The following ZFHX3 variants were observed in gnomAD, a reference collection of about 807,000 sequenced individuals.
The protein encoded by ZFHX3 is zinc finger homeobox protein 3.
A neutral mutation model predicts 279.1 loss-of-function variants in ZFHX3; 42 were observed. The observed-to-expected ratio is 0.15, with a 90% confidence interval of 0.12 to 0.19. ZFHX3 has a LOEUF of 0.19. Among genes scored for constraint, ZFHX3 ranks in the 10% least tolerant of loss-of-function variants. The pLI, the probability that ZFHX3 is intolerant of heterozygous loss-of-function variation, is 1.00. For missense variants in ZFHX3, 4,981 were observed against 4,754.0 expected (o/e 1.05, Z -1.40); for synonymous variants, 2,293 against 1,957.8 (o/e 1.17, Z -4.52).
At chr16:73,512,708 C>T (rs528134915) in intron 2 of ZFHX3, among the ~76,000 whole-genome samples, 313 of 152,214 alleles carry the variant, frequency 2.1e-3, no homozygotes, top group Middle Eastern at 6.8e-3. Flanking sequence ...AGCTTGGCCA[C>T]GGCAATGGTC....
Position 73,606,486 on chromosome 16 carries a change from C to CA in ZFHX3, c.-1547+73693dup, listed in dbSNP as rs57861119. ...GGGGGACAAGAGTGAGACTTTGTCT[C>CA]AAAAAAAAAAAAAAAAATCCATGCT... On this transcript the variant is annotated intron_variant, in intron 2 of 17. Coordinates refer to the ZFHX3 transcript ENST00000641206. Among the ~76,000 whole-genome samples the CA allele has an allele frequency of 1.6e-3, 211 of 133,818 alleles. 1 individual carries two copies. Among genetic ancestry groups the CA allele is most frequent in the African/African-American group, 4.1e-3 (145 of 35,702 alleles). The allele number at this position is 133,818 out of a possible 152,430, so 87.8% of individuals were successfully genotyped here.
intron 1 of ZFHX3, among the ~76,000 whole-genome samples, chr16:73,856,440 A>AG (rs1373240626): frequency 6.6e-6 from 1 of 152,108 alleles, no homozygotes; most frequent in African/African-American, 2.4e-5. Context: ...CCCCTTGGCA[A>AG]GGGGGAAAAA....
chr16:73,084,887 A>T (rs1965992549), intron 8 of ZFHX3, among the ~76,000 whole-genome samples: 1 of 152,218 alleles, frequency 6.6e-6, no homozygotes, highest in Admixed American at 6.5e-5. Context: ...AGCACTGATG[A>T]AGGAAATTAA....
intron 4 of ZFHX3, among the ~76,000 whole-genome samples, chr16:73,315,995 G>A (rs1339866807): frequency 6.6e-6 from 1 of 152,150 alleles, no homozygotes; most frequent in Admixed American, 6.5e-5. Flanking sequence ...AGCCCTCCCT[G>A]ACCTCTTAGT....
intron 1 of ZFHX3, among the ~76,000 whole-genome samples, chr16:73,889,705 C>G (rs183949347): frequency 6.6e-6 from 1 of 152,262 alleles, no homozygotes; most frequent in East Asian, 1.9e-4. Flanking sequence ...TGGGTTAATT[C>G]TCACACACAG....
chr16:73,438,985 T>G (rs574121956), intron 3 of ZFHX3, among the ~76,000 whole-genome samples: 2 of 152,144 alleles, frequency 1.3e-5, no homozygotes, highest in Non-Finnish European at 2.9e-5. Context: ...CTGTGAGTGA[T>G]AGAATGCCAA....
At chr16:73,184,308 G>A (rs1213905016) in intron 5 of ZFHX3, among the ~76,000 whole-genome samples, 4 of 152,208 alleles carry the variant, frequency 2.6e-5, no homozygotes, top group Admixed American at 2.6e-4. Flanking sequence ...GCAGCCACCT[G>A]CAGACCTTTG....
At chr16:73,114,160 A>T (rs2144801799) in intron 7 of ZFHX3, among the ~76,000 whole-genome samples, 1 of 151,708 alleles carries the variant, frequency 6.6e-6, no homozygotes, top group South Asian at 2.1e-4. Context: ...CCTGGGCTCA[A>T]GTGACCCTCC....
intron 1 of ZFHX3, among the ~76,000 whole-genome samples, chr16:73,697,217 C>CTTTTTTTTT (rs78469043): frequency 7.5e-6 from 1 of 133,868 alleles, no homozygotes. Flanking sequence ...ATTCTAACCT[C>CTTTTTTTTT]TTTTTTTTTT....
chr16:72,971,878 A>ATTTTTTTTT (rs34508228), intron 1 of ZFHX3, among the ~76,000 whole-genome samples: 2 of 95,466 alleles, frequency 2.1e-5, no homozygotes, highest in African/African-American at 4.4e-5. Flanking sequence ...CTGCCTATTA[A>ATTTTTTTTT]TTTTTTTTTT....
intron 5 of ZFHX3, among the ~76,000 whole-genome samples, chr16:73,234,555 T>A (rs1251705807): frequency 6.6e-6 from 1 of 152,236 alleles, no homozygotes; most frequent in African/African-American, 2.4e-5. Context: ...GGGCGGGGAT[T>A]GCTTTCTGCT....
chr16:72,896,990 C>T (rs1303633334), intron 3 of ZFHX3, among the ~76,000 whole-genome samples: 1 of 152,268 alleles, frequency 6.6e-6, no homozygotes, highest in African/African-American at 2.4e-5. Context: ...CACACGGCAA[C>T]TCCATTTCCA....
At chr16:73,298,368 G>C (rs2014972647) in intron 4 of ZFHX3, among the ~76,000 whole-genome samples, 1 of 152,082 alleles carries the variant, frequency 6.6e-6, no homozygotes, top group East Asian at 1.9e-4. Context: ...ATTTTTAGTA[G>C]AGATGGGGTT....
chr16:72,799,888 G>A, intron 8 of ZFHX3, 139 bp downstream of exon 8: 1 of 725,636 alleles, frequency 1.4e-6, no homozygotes, highest in South Asian at 1.7e-5. Flanking sequence ...TAAAGTAGCT[G>A]ATGACAGTGC....
chr16:73,026,673 C>CAAAAAAAAAAAAAAA (rs10561679), intron 1 of ZFHX3, among the ~76,000 whole-genome samples: 23 of 79,580 alleles, frequency 2.9e-4, no homozygotes, highest in East Asian at 1.3e-3. Flanking sequence ...AAAACTGCCT[C>CAAAAAAAAAAAAAAA]AAAAAAAAAA....
At position 72,920,532 on chromosome 16, in the gene ZFHX3, A is replaced by G. The variant is rs180916597; in HGVS notation, c.3216+29937T>C. ...CCGTCTCTACTAAAAATACAAGAAA[A>G]AAAAAAATTATCTGGACTTGGTGGT... is the stretch of plus-strand genomic sequence containing the variant. On this transcript the variant is annotated intron_variant, in intron 3 of 9. Coordinates refer to ENST00000268489, the MANE Select transcript of ZFHX3 (RefSeq NM_006885.4). Among the ~76,000 whole-genome samples, 5 of 152,020 alleles carry G rather than the reference A, an allele frequency of 3.3e-5. No homozygotes were observed. The East Asian group carries it at 9.7e-4, about 30-fold the overall frequency.
intron 1 of ZFHX3, among the ~76,000 whole-genome samples, chr16:73,771,079 G>C (rs1214983392): frequency 6.6e-6 from 1 of 152,146 alleles, no homozygotes; most frequent in African/African-American, 2.4e-5. Context: ...GAGCTCTAAA[G>C]CTCCTTGGAA....
intron 2 of ZFHX3, among the ~76,000 whole-genome samples, chr16:72,952,826 C>G (rs1462374852): frequency 6.6e-6 from 1 of 152,160 alleles, no homozygotes; most frequent in Non-Finnish European, 1.5e-5. Flanking sequence ...GCAGCCTTCC[C>G]TCCAGTTCCT....
intron 1 of ZFHX3, among the ~76,000 whole-genome samples, chr16:73,790,206 G>C: frequency 6.6e-6 from 1 of 151,278 alleles, no homozygotes; most frequent in Non-Finnish European, 1.5e-5. Flanking sequence ...CTCAAATTCA[G>C]AATGTATCCT....
Sources: gnomAD v4.1 joint callset for allele counts (sites outside exome capture counted in the v4.1 genomes callset) on GRCh38, gnomAD v4.1.1 for gene constraint, MANE v1.5 for transcripts, NCBI Gene and HGNC (gene_info 2026-07-23, HGNC 2026-07-21) for gene names.